The following ADAMTS12 variants were observed in gnomAD, a reference collection of about 807,000 sequenced individuals.
ADAMTS12 encodes the protein ADAM metallopeptidase with thrombospondin type 1 motif 12.
A neutral mutation model predicts 167.8 loss-of-function variants in ADAMTS12; 118 were observed. The observed-to-expected ratio is 0.70, with a 90% CI of 0.61 to 0.82. ADAMTS12 has a LOEUF of 0.82. ADAMTS12 is among the 40% of genes least tolerant of loss of function. The pLI, the probability that ADAMTS12 is intolerant of heterozygous loss-of-function variation, is 0.00. For missense variants in ADAMTS12, 1,916 were observed against 1,998.8 expected (o/e 0.96, Z 0.79); for synonymous variants, 704 against 716.9 (o/e 0.98, Z 0.29).
intron 2 of ADAMTS12, among the ~76,000 whole-genome samples, chr5:33,839,841 A>G (rs1047206800): frequency 6.6e-6 from 1 of 152,224 alleles, no homozygotes; most frequent in Non-Finnish European, 1.5e-5. Context: ...ACTATAAACA[A>G]ATACAGTAGT....
intron 2 of ADAMTS12, among the ~76,000 whole-genome samples, chr5:33,823,104 A>AG (rs1490322267): frequency 5.3e-5 from 8 of 151,734 alleles, no homozygotes; most frequent in South Asian, 2.1e-4. Context: ...AAAAAAAAAA[A>AG]AAAGAAAGAA....
chr5:33,595,619 A>G (rs1030535788), intron 17 of ADAMTS12, among the ~76,000 whole-genome samples: 2 of 152,180 alleles, frequency 1.3e-5, no homozygotes, highest in African/African-American at 4.8e-5. Context: ...GCCCTTGGAA[A>G]AGACAATTCT....
intron 2 of ADAMTS12, among the ~76,000 whole-genome samples, chr5:33,782,715 G>T (rs9292513): frequency 0.13 from 19,047 of 151,794 alleles, 1,562 homozygotes; most frequent in East Asian, 0.4. Context: ...ATAATAAAGA[G>T]ATAAATATAT....
At position 33,576,387 on chromosome 5, in the gene ADAMTS12, G is replaced by C; in HGVS notation, c.3639C>G (p.Phe1213Leu). The C allele has an allele frequency of 6.2e-7, 1 of 1,614,140 alleles. No individual in the cohort carries two copies. The highest frequency in any genetic ancestry group is 1.1e-5 in the South Asian group (1 of 91,074). ...GGAGCAGTCCTTCCATTACTGTGCT[G>C]AAGGGTGGCCACCAGGACTCCCTGC... ...DLSRESWWPP[F>L]STVMEGLLPS... is the part of the protein sequence containing the mutation. The change falls in exon 19 of 24, where the codon TTC becomes TTG. Residue 1213 changes from phenylalanine (F) to leucine (L), a missense_variant. Physicochemically the swap from Phe to Leu is conservative, Grantham distance 22. Coordinates refer to ENST00000504830, the MANE Select transcript of ADAMTS12 (RefSeq NM_030955.4).
chr5:33,661,520 T>C (rs1433543695), intron 6 of ADAMTS12, among the ~76,000 whole-genome samples: 1 of 152,166 alleles, frequency 6.6e-6, no homozygotes, highest in Non-Finnish European at 1.5e-5. Context: ...TGTTTCTACA[T>C]TGGAGAAAAA....
chr5:33,872,089 A>G (rs1215539282), intron 2 of ADAMTS12, among the ~76,000 whole-genome samples: 2 of 152,204 alleles, frequency 1.3e-5, no homozygotes, highest in Non-Finnish European at 2.9e-5. Context: ...AAGAAAAATC[A>G]TCAGGCCCAG....
intron 17 of ADAMTS12, among the ~76,000 whole-genome samples, chr5:33,592,995 C>A (rs977234969): frequency 6.6e-6 from 1 of 152,096 alleles, no homozygotes; most frequent in South Asian, 2.1e-4. Context: ...AAAAGCAAAT[C>A]GCCAGGCACA....
intron 19 of ADAMTS12, among the ~76,000 whole-genome samples, chr5:33,569,961 G>T (rs548635530): frequency 6.6e-6 from 1 of 152,244 alleles, no homozygotes; most frequent in African/African-American, 2.4e-5. Context: ...AGAAGCCTCA[G>T]GAGCTGATGT....
intron 19 of ADAMTS12, among the ~76,000 whole-genome samples, chr5:33,570,083 A>T (rs1746244099): frequency 6.6e-6 from 1 of 152,266 alleles, no homozygotes; most frequent in African/African-American, 2.4e-5. Flanking sequence ...CTTCCAAGAA[A>T]TATGGGACTA....
intron 3 of ADAMTS12, among the ~76,000 whole-genome samples, chr5:33,706,440 C>T (rs1215343503): frequency 1.3e-5 from 2 of 152,266 alleles, no homozygotes; most frequent in South Asian, 4.1e-4. Context: ...GATCCCTTTA[C>T]CATAACATAA....
intron 18 of ADAMTS12, 53 bp from the exon 19 acceptor site, chr5:33,577,213 A>C: frequency 6.2e-7 from 1 of 1,610,876 alleles, no homozygotes; most frequent in South Asian, 1.1e-5. Context: ...TTTTATTCTC[A>C]TGGTTAGGTC....
chr5:33,579,335 C>T (rs1746933804), intron 18 of ADAMTS12, among the ~76,000 whole-genome samples: 1 of 152,334 alleles, frequency 6.6e-6, no homozygotes, highest in Non-Finnish European at 1.5e-5. Flanking sequence ...TGACTGATAA[C>T]TGAGGTCCCA....
At chr5:33,605,117 A>G (rs536961353) in intron 16 of ADAMTS12, among the ~76,000 whole-genome samples, 1 of 152,356 alleles carries the variant, frequency 6.6e-6, no homozygotes, top group East Asian at 1.9e-4. Flanking sequence ...CCATTTGGCT[A>G]CTTACCCAAC....
intron 3 of ADAMTS12, among the ~76,000 whole-genome samples, chr5:33,729,673 AC>A (rs1245485484): frequency 1.3e-5 from 2 of 152,096 alleles, no homozygotes; most frequent in Non-Finnish European, 2.9e-5. Flanking sequence ...GTGGGATGGT[AC>A]TCTGAAGGGT....
intron 19 of ADAMTS12, among the ~76,000 whole-genome samples, chr5:33,563,355 C>T (rs896673438): frequency 6.6e-6 from 1 of 152,200 alleles, no homozygotes; most frequent in Non-Finnish European, 1.5e-5. Flanking sequence ...TGTGACTTGT[C>T]TTGGCCAACA....
rs767298930 is a variant in ADAMTS12, at chr5:33,637,598, A to C, written c.1867T>G (p.Trp623Gly). 1 of 1,613,324 alleles carries C rather than the reference A, an allele frequency of 6.2e-7. No individual in the cohort carries two copies. Among genetic ancestry groups the C allele is most frequent in the Non-Finnish European group, 8.5e-7 (1 of 1,179,462 alleles). The change falls in exon 12 of 24, where the codon TGG (tryptophan) becomes GGG (glycine). Residue 623 changes from tryptophan (W) to glycine (G), a missense_variant. By Grantham distance (184) the Trp-to-Gly change is radical. Transcript: ENST00000504830. Reference sequence around the variant, plus strand: ...TTACCTGGGTTAAAAATGGGAAACCAGTGGTAGAGTTCATTCTTGTAGGGA... The same window carrying C: ...TTACCTGGGTTAAAAATGGGAAACCCGTGGTAGAGTTCATTCTTGTAGGGA... ...TVPYKNELYH[W>G]FPIFNPAHPC...
At chr5:33,771,561 C>T (rs1308379750) in intron 2 of ADAMTS12, among the ~76,000 whole-genome samples, 2 of 151,978 alleles carry the variant, frequency 1.3e-5, no homozygotes, top group African/African-American at 4.8e-5. Context: ...AAATAAATAT[C>T]CATACAGCAA....
At chr5:33,616,920 C>T (rs1739049288) in intron 14 of ADAMTS12, among the ~76,000 whole-genome samples, 1 of 152,178 alleles carries the variant, frequency 6.6e-6, no homozygotes, top group African/African-American at 2.4e-5. Context: ...CTATGCTAAA[C>T]ATTTTATGCA....
At chr5:33,807,802 C>T (rs9292516) in intron 2 of ADAMTS12, among the ~76,000 whole-genome samples, 86,017 of 151,984 alleles carry the variant, frequency 0.57, 24,660 homozygotes, top group East Asian at 0.78. Context: ...AGAACCATCA[C>T]GAGTAATGGT....
Sources: gnomAD v4.1 joint callset for allele counts (sites outside exome capture counted in the v4.1 genomes callset) on GRCh38, gnomAD v4.1.1 for gene constraint, MANE v1.5 for transcripts, NCBI Gene and HGNC (gene_info 2026-07-23, HGNC 2026-07-21) for gene names.